The following DHX8 variants were observed in gnomAD, a reference collection of about 807,000 sequenced individuals.
DHX8 encodes the protein ATP-dependent RNA helicase DHX8.
A neutral mutation model predicts 140.7 loss-of-function variants in DHX8; 67 were observed. That is an observed-to-expected ratio of 0.48 (90% CI 0.39 to 0.58). The LOEUF is 0.58. DHX8 is among the 20% of genes least tolerant of loss of function. The pLI is 0.00. For synonymous variants in DHX8, 533 were observed against 553.2 expected (o/e 0.96, Z 0.51); for missense variants, 887 against 1,550.7 (o/e 0.57, Z 7.19).
At chr17:43,529,821 G>C, downstream of DHX8, 1 of 1,602,198 alleles carries the variant, frequency 6.2e-7, no homozygotes, top group Non-Finnish European at 8.6e-7. Flanking sequence ...AACGTGATGT[G>C]ACTCCTGCAG....
intron 9 of DHX8, 35 bp downstream of exon 9, chr17:43,496,303 C>G (rs1968853628): frequency 6.7e-7 from 1 of 1,482,898 alleles, no homozygotes; most frequent in Non-Finnish European, 9.4e-7. Flanking sequence ...GGGTAATTGG[C>G]AAGTTGAGCC....
chr17:43,514,339 G>C (rs1030566050), intron 17 of DHX8, among the ~76,000 whole-genome samples: 1 of 152,020 alleles, frequency 6.6e-6, no homozygotes, highest in African/African-American at 2.4e-5. Context: ...AGCAGACTGT[G>C]TCTCTAAAAT....
intron 16 of DHX8, among the ~76,000 whole-genome samples, 192 bp downstream of exon 16, chr17:43,508,712 C>T (rs568268750): frequency 2.0e-5 from 3 of 151,980 alleles, no homozygotes; most frequent in South Asian, 2.1e-4. Flanking sequence ...CTCCGCCTCC[C>T]GGGTTCACGC....
chr17:43,544,293 A>C (rs747711581), exon 4 of DHX8: 3 of 153,204 alleles, frequency 2.0e-5, no homozygotes, highest in Non-Finnish European at 4.4e-5. Flanking sequence ...GCCAGCTCAC[A>C]GCTAACTCCC....
intron 2 of DHX8, chr17:43,532,681 G>A (rs780509931): frequency 6.2e-6 from 10 of 1,611,614 alleles, no homozygotes; most frequent in Admixed American, 1.7e-5. Flanking sequence ...TACCTGAGTC[G>A]TAGGCGAAGT....
chr17:43,531,099 G>A (rs903036566), downstream of DHX8, among the ~76,000 whole-genome samples: 1 of 152,206 alleles, frequency 6.6e-6, no homozygotes, highest in East Asian at 1.9e-4. Flanking sequence ...TGGATTTGAG[G>A]ACAGGAGCAC....
downstream of DHX8, chr17:43,529,525 G>C: frequency 6.2e-7 from 1 of 1,613,212 alleles, no homozygotes; most frequent in East Asian, 2.2e-5. Context: ...CAATGAGCTT[G>C]AACTCCATTC....
chr17:43,537,590 G>T (rs1479115494), intron 3 of DHX8, among the ~76,000 whole-genome samples: 1 of 150,944 alleles, frequency 6.6e-6, no homozygotes, highest in Non-Finnish European at 1.5e-5. Flanking sequence ...CAGCTACTCG[G>T]AAGGCTGAGG....
At position 43,524,151 on chromosome 17, in the gene DHX8, A is replaced by G; in HGVS notation, c.*304A>G. Reference sequence around the variant, plus strand: ...CAATTTGTGCAGCTCCAGGATGGGAAGGTGGAGTGGGTGAGCATCTTGTGC... The same window carrying G: ...CAATTTGTGCAGCTCCAGGATGGGAGGGTGGAGTGGGTGAGCATCTTGTGC... On this transcript the variant is annotated 3_prime_UTR_variant, in exon 23 of 23. Coordinates refer to ENST00000262415, the MANE Select transcript of DHX8 (RefSeq NM_004941.3). The G allele has an allele frequency of 8.1e-7, 1 of 1,233,236 alleles. No homozygotes were observed. Among genetic ancestry groups the G allele is most frequent in the Middle Eastern group, 3.4e-4 (1 of 2,920 alleles). 76.4% of individuals were successfully genotyped at this position (1,233,236 alleles called of 1,614,324 possible).
At chr17:43,519,942 A>C in intron 18 of DHX8, 188 bp from the exon 19 acceptor site, 1 of 575,168 alleles carries the variant, frequency 1.7e-6, no homozygotes, top group Non-Finnish European at 3.1e-6. Context: ...CTCTGTCTCA[A>C]GTATGTGCTT....
intron 1 of DHX8, among the ~76,000 whole-genome samples, chr17:43,488,045 C>T (rs566370716): frequency 6.6e-6 from 1 of 151,064 alleles, no homozygotes; most frequent in African/African-American, 2.4e-5. Flanking sequence ...TTTGGGAGGC[C>T]GAGGCAGGCA....
intron 3 of DHX8, among the ~76,000 whole-genome samples, chr17:43,537,519 C>A (rs1252542189): frequency 6.6e-6 from 1 of 150,470 alleles, no homozygotes. Context: ...CAAAGTGAAA[C>A]TCCCATCTCT....
chr17:43,509,531 T>C (rs1039134557), intron 16 of DHX8, among the ~76,000 whole-genome samples: 1 of 151,042 alleles, frequency 6.6e-6, no homozygotes, highest in Non-Finnish European at 1.5e-5. Flanking sequence ...TCACCCAAGG[T>C]GGAGTGCAGT....
At position 43,484,296 on chromosome 17, in the gene DHX8, GTC is replaced by G. The variant is rs34397331; in HGVS notation, c.148+119_148+120del. The G allele has an allele frequency of 6.4e-3, 8,285 of 1,300,664 alleles. 432 individuals carry two copies. The African/African-American group carries it at 0.11, about 17-fold the overall frequency. 80.6% of individuals were successfully genotyped at this position (1,300,664 alleles called of 1,614,324 possible). A position where few individuals can be genotyped will look rare whatever the true frequency, so the allele number is the denominator to read the frequency against. On this transcript the variant is annotated intron_variant, in intron 1 of 22. Coordinates refer to ENST00000262415, the MANE Select transcript of DHX8 (RefSeq NM_004941.3). ...ACCGAAAGTATGTTCGTGTGAATCT[GTC>G]TCTCTCTGTCGCAGACACCGGTGCC... is the stretch of plus-strand genomic sequence containing the variant.
chr17:43,491,231 C>T lies in DHX8; in HGVS notation c.374C>T (p.Pro125Leu), dbSNP rs773944597. The T allele has an allele frequency of 9.1e-6, 14 of 1,530,286 alleles. No individual in the cohort carries two copies. The highest frequency in any genetic ancestry group is 2.7e-5 in the South Asian group (2 of 75,392). The allele number at this position is 1,530,286 out of a possible 1,614,324, so 94.8% of individuals were successfully genotyped here. ...GAACTCTTCCCAGTCCTTTGCCAAC[C>T]GGACAACCCTTCTGTTCGGGTACTG... ...LKELFPVLCQ[P>L]DNPSVRTMLD... Residue 125 changes from proline (P) to leucine (L), a missense_variant, in exon 4 of 23, where the codon CCG (proline) becomes CTG (leucine). This residue lies in a region of DHX8 where 304 missense variants were observed against 306.9 expected (regional missense o/e 0.99). Coordinates refer to ENST00000262415, the MANE Select transcript of DHX8 (RefSeq NM_004941.3).
chr17:43,493,763 A>T lies in DHX8; in HGVS notation c.1089A>T (p.Ser363=), dbSNP rs1377486485. 9 of 1,614,130 alleles carry T rather than the reference A, an allele frequency of 5.6e-6. No homozygotes were observed. The highest frequency in any genetic ancestry group is 7.6e-6 in the Non-Finnish European group (9 of 1,180,062). ...NLVGETNEET[S]MRNPDRPTHL... is the part of the protein sequence containing the mutation. ...TCGGGGAGACCAATGAGGAGACCTC[A>T]ATGCGGAATCCTGATAGACCCACTC... is the stretch of plus-strand genomic sequence containing the variant. Residue 363 remains serine (S), a synonymous_variant, in exon 8 of 23, where the codon TCA becomes TCT. Coordinates refer to ENST00000262415, the MANE Select transcript of DHX8 (RefSeq NM_004941.3).
chr17:43,536,074 G>A (rs1971228849), intron 2 of DHX8, among the ~76,000 whole-genome samples: 1 of 152,194 alleles, frequency 6.6e-6, no homozygotes, highest in Non-Finnish European at 1.5e-5. Flanking sequence ...TTGTGCCACT[G>A]CACTCCAGCC....
Position 43,508,511 on chromosome 17 carries a change from C to G in DHX8, c.2493C>G (p.Gly831=). ...GAATCTTTGACCCAGCTCCACCAGG[C>G]AGCAGAAAGGTAACATGGGCAAAAA... ...QTRIFDPAPP[G]SRKVVIATNI... The change falls in exon 16 of 23, where the codon GGC becomes GGG. Residue 831 remains glycine, a synonymous_variant. Transcript: ENST00000262415. 6.2e-7 allele frequency: 1 copy of G among 1,610,964 alleles called. No individual in the cohort carries two copies. The highest frequency in any genetic ancestry group is 8.5e-7 in the Non-Finnish European group (1 of 1,178,500).
In DHX8 at chr17:43,523,559, A is replaced by G. The variant is rs146177016; in HGVS notation, c.3444-69A>G. 2.7e-3 allele frequency: 4,315 copies of G among 1,591,542 alleles called. 14 individuals carry two copies. The highest frequency in any genetic ancestry group is 2.7e-3 in the Non-Finnish European group (3,176 of 1,168,310). The stretch of plus-strand genomic sequence containing the variant: ...AATGTAAGCTCAGCTGAGGCCTACT[A>G]GGGACCAGGTTGACTGTAGAGTGGG... On this transcript the variant is annotated intron_variant, in intron 22 of 22. Coordinates refer to ENST00000262415, the MANE Select transcript of DHX8 (RefSeq NM_004941.3).
Sources: gnomAD v4.1 joint callset for allele counts (sites outside exome capture counted in the v4.1 genomes callset) on GRCh38, gnomAD v4.1.1 for gene constraint, gnomAD v4.1.1 regional missense constraint, MANE v1.5 for transcripts, NCBI Gene and HGNC (gene_info 2026-07-23, HGNC 2026-07-21) for gene names.